ASPH: variants seen among roughly 807,000 people sequenced by gnomAD.
ASPH encodes aspartate beta-hydroxylase.
ASPH carries 100 observed loss-of-function variants against 118.4 expected under a neutral mutation model. The ratio of observed to expected loss-of-function variants is 0.84; its 90% CI spans 0.72 to 1.00. The LOEUF (loss-of-function observed/expected upper bound fraction) is 1.00. Among genes scored for constraint, ASPH ranks in the 50% least tolerant of loss-of-function variants. The pLI is 0.00. For synonymous variants in ASPH, 315 were observed against 325.6 expected (o/e 0.97, Z 0.35); for missense variants, 920 against 919.5 (o/e 1.00, Z -0.01).
chr8:61,567,113 C>G, intron 17 of ASPH, 55 bp downstream of exon 17: 2 of 1,580,098 alleles, frequency 1.3e-6, no homozygotes, highest in Non-Finnish European at 1.7e-6. Context: ...TCTTCAGCTT[C>G]TTCAAGATAA....
intron 13 of ASPH, among the ~76,000 whole-genome samples, chr8:61,630,783 C>T (rs569823419): frequency 9.2e-5 from 14 of 152,254 alleles, no homozygotes; most frequent in African/African-American, 2.9e-4. Flanking sequence ...TATACTTTTA[C>T]GGTTCTTTTA....
chr8:61,589,501 AG>A lies in ASPH; in HGVS notation c.977-5473del, dbSNP rs1563935143. Among the ~76,000 whole-genome samples, 4 of 152,368 alleles carry A rather than the reference AG, an allele frequency of 2.6e-5. No individual in the cohort carries two copies. The East Asian group carries it at 5.8e-4, about 22-fold the overall frequency. On this transcript the variant is annotated intron_variant, in intron 14 of 24. Transcript: ENST00000379454. ...AGGAAAAAACCCAACATGCGAATCT[AG>A]ACCTAGCTAGGCCCTCAATGACATT... is the stretch of plus-strand genomic sequence containing the variant.
chr8:61,608,505 A>T (rs955966631), intron 14 of ASPH, among the ~76,000 whole-genome samples: 1 of 152,056 alleles, frequency 6.6e-6, no homozygotes, highest in African/African-American at 2.4e-5. Context: ...TGTTTAATAA[A>T]CTTAAAATTT....
At chr8:61,643,174 G>C (rs1806099803) in intron 9 of ASPH, among the ~76,000 whole-genome samples, 1 of 152,144 alleles carries the variant, frequency 6.6e-6, no homozygotes, top group South Asian at 2.1e-4. Flanking sequence ...TTGACATCCT[G>C]TTTTGTTATG....
At chr8:61,625,778 T>C (rs1180984309) in intron 13 of ASPH, 10 of 985,752 alleles carry the variant, frequency 1.0e-5, no homozygotes, top group Non-Finnish European at 3.6e-6. Flanking sequence ...CAGCTAATGA[T>C]GATCTCTGTT....
At chr8:61,599,991 C>T (rs2133383809) in intron 14 of ASPH, among the ~76,000 whole-genome samples, 1 of 152,216 alleles carries the variant, frequency 6.6e-6, no homozygotes, top group East Asian at 1.9e-4. Context: ...ACTGATATTC[C>T]TGATACGAAA....
intron 13 of ASPH, chr8:61,633,361 T>G (rs908755483): frequency 1.0e-5 from 2 of 193,820 alleles, no homozygotes; most frequent in South Asian, 1.4e-4. Context: ...TGATTCCATA[T>G]TCTCCATCAA....
chr8:61,706,479 GAAA>G (rs148064680), intron 1 of ASPH, among the ~76,000 whole-genome samples: 4,839 of 142,936 alleles, frequency 0.034, 256 homozygotes, highest in African/African-American at 0.12. Flanking sequence ...AGAAGAAGAA[GAAA>G]GAAGAAAGAA....
intron 14 of ASPH, among the ~76,000 whole-genome samples, chr8:61,605,396 G>A (rs1845263977): frequency 6.6e-6 from 1 of 152,190 alleles, no homozygotes. Context: ...ATGGCCATCT[G>A]ACCTGCACGA....
At chr8:61,697,142 C>A (rs1589278209) in intron 1 of ASPH, among the ~76,000 whole-genome samples, 1 of 152,208 alleles carries the variant, frequency 6.6e-6, no homozygotes, top group South Asian at 2.1e-4. Context: ...ACAGCATACA[C>A]AGAAGAATCC....
intron 13 of ASPH, among the ~76,000 whole-genome samples, chr8:61,628,505 G>A (rs1339438099): frequency 1.3e-5 from 2 of 151,908 alleles, no homozygotes; most frequent in South Asian, 2.1e-4. Flanking sequence ...AACATCCTCT[G>A]AGAAGAGACA....
rs1178619331 is a variant in ASPH at position 61,714,297 on chromosome 8, C to T, written c.75G>A (p.Ala25=). 11 of 1,521,972 alleles carry T rather than the reference C, an allele frequency of 7.2e-6. No homozygotes were observed. Among genetic ancestry groups the T allele is most frequent in the Non-Finnish European group, 8.8e-6 (10 of 1,136,176 alleles). 94.3% of individuals were successfully genotyped at this position (1,521,972 alleles called of 1,614,324 possible). ...TCCGGGCCCCGGGGCTGCTGCTGCC[C>T]GCACTCGTGCTACCGCTGCCGGAGC... ...SSGSGSGSTS[A]GSSSPGARRE... is the part of the protein sequence containing the mutation. The change falls in exon 1 of 25, where the codon GCG becomes GCA. Residue 25 remains alanine (A), a synonymous_variant. Coordinates refer to ENST00000379454, the MANE Select transcript of ASPH (RefSeq NM_004318.4).
chr8:61,578,688 G>A lies in ASPH; in HGVS notation c.1063-1830C>T, dbSNP rs1343851397. On this transcript the variant is annotated intron_variant, in intron 15 of 24. Transcript: ENST00000379454. Reference sequence around the variant, plus strand: ...GCGGCAGCTGGAGACTCTGGGCCAGGAGAAGCTGAAGCTGGAGGCGGAGCT... The same window carrying A: ...GCGGCAGCTGGAGACTCTGGGCCAGAAGAAGCTGAAGCTGGAGGCGGAGCT... 3.7e-6 allele frequency: 6 copies of A among 1,606,498 alleles called. No homozygotes were observed. In the South Asian group the frequency reaches 6.6e-5, roughly 18 times the overall value.
At position 61,517,536 on chromosome 8, in the gene ASPH, G is replaced by A. The variant is rs554349058; in HGVS notation, c.2118C>T (p.Asn706=). 1.4e-5 allele frequency: 22 copies of A among 1,614,028 alleles called. No individual in the cohort carries two copies. Among genetic ancestry groups the A allele is most frequent in the South Asian group, 3.3e-5 (3 of 91,078 alleles). The change falls in exon 24 of 25, where the codon AAC becomes AAT. Residue 706 remains asparagine, a synonymous_variant. Coordinates refer to ENST00000379454, the MANE Select transcript of ASPH (RefSeq NM_004318.4). ...PKEGCKIRCA[N]ETKTWEEGKV... is the part of the protein sequence containing the mutation. ...TAACAGAGGACCCATACTTGGTCTC[G>A]TTGGCACATCGAATCTTGCAGCCTT... is the stretch of plus-strand genomic sequence containing the variant.
At chr8:61,676,203 T>C (rs371484854) in intron 3 of ASPH, 42 of 1,598,806 alleles carry the variant, frequency 2.6e-5, no homozygotes, top group Non-Finnish European at 3.4e-5. Flanking sequence ...AAAGGAGTCA[T>C]TATATCATAG....
intron 3 of ASPH, chr8:61,664,594 G>A (rs1818546511): frequency 1.0e-6 from 1 of 986,670 alleles, no homozygotes; most frequent in Non-Finnish European, 1.2e-6. Flanking sequence ...ATGCAGGAGT[G>A]AGGGGCAGCG....
chr8:61,607,278 A>T, intron 14 of ASPH: 1 of 702,354 alleles, frequency 1.4e-6, no homozygotes, highest in East Asian at 2.7e-5. Context: ...AAGTCCCAGG[A>T]CATGGTGCAA....
intron 24 of ASPH, among the ~76,000 whole-genome samples, chr8:61,506,461 T>C (rs1394141109): frequency 1.3e-5 from 2 of 152,224 alleles, no homozygotes; most frequent in African/African-American, 2.4e-5. Flanking sequence ...TAAAAATGGA[T>C]AATATGGTAA....
At chr8:61,633,771 C>A (rs751424227) in intron 12 of ASPH, 44 bp from the exon 13 acceptor site, 4 of 1,411,240 alleles carry the variant, frequency 2.8e-6, no homozygotes, top group Admixed American at 4.2e-5. Flanking sequence ...TATTGCTGAT[C>A]AGTGTTTAAA....
Sources: gnomAD v4.1 joint callset for allele counts (sites outside exome capture counted in the v4.1 genomes callset) on GRCh38, gnomAD v4.1.1 for gene constraint, MANE v1.5 for transcripts, NCBI Gene and HGNC (gene_info 2026-07-23, HGNC 2026-07-21) for gene names.